ZNF724: variants seen among roughly 807,000 people sequenced by gnomAD.
ZNF724 encodes zinc finger protein 724 pseudogene.
ZNF724 carries 14 observed loss-of-function variants against 29.3 expected under a neutral mutation model. The observed-to-expected ratio is 0.48, with a 90% CI of 0.32 to 0.75. The LOEUF is 0.75. ZNF724 is among the 30% of genes least tolerant of loss of function. ZNF724 has a pLI of 0.04. For synonymous variants in ZNF724, 180 were observed against 193.6 expected (o/e 0.93, Z 0.58); for missense variants, 557 against 571.2 (o/e 0.98, Z 0.25).
At chr19:23,238,986 C>A (rs768348846) in intron 1 of ZNF724, among the ~76,000 whole-genome samples, 5 of 150,962 alleles carry the variant, frequency 3.3e-5, no homozygotes, top group Non-Finnish European at 5.9e-5. Flanking sequence ...TAGGTTCAGG[C>A]ATCTAAGGAG....
chr19:23,226,838 G>C (rs963073548), intron 3 of ZNF724, among the ~76,000 whole-genome samples: 3 of 151,872 alleles, frequency 2.0e-5, no homozygotes, highest in Non-Finnish European at 4.4e-5. Context: ...TCTTAATTAA[G>C]CCCTATGTTG....
Position 23,226,083 on chromosome 19 carries a change from G to A in ZNF724, c.227-2065C>T, listed in dbSNP as rs527944271. 2.2e-4 allele frequency among the ~76,000 whole-genome samples: 28 copies of A among 127,342 alleles called. No homozygotes were observed. The East Asian group carries it at 5.9e-3, about 27-fold the overall frequency. The allele number at this position is 127,342 out of a possible 152,430, so 83.5% of individuals were successfully genotyped here. A position where few individuals can be genotyped will look rare whatever the true frequency, so the allele number is the denominator to read the frequency against. On this transcript the variant is annotated intron_variant, in intron 3 of 3. Transcript: ENST00000418100. ...TTTTTTTTTTTTGAGATGGAGTCTC[G>A]CTCTGTCCCCCAGGCTGGAGTGCAG... is the stretch of plus-strand genomic sequence containing the variant.
At chr19:23,239,255 A>C (rs983601143) in intron 1 of ZNF724, among the ~76,000 whole-genome samples, 7 of 152,240 alleles carry the variant, frequency 4.6e-5, no homozygotes, top group Non-Finnish European at 8.8e-5. Flanking sequence ...TCCAACTGAA[A>C]TCAACATAGT....
chr19:23,227,757 A>G (rs780136883), intron 3 of ZNF724, among the ~76,000 whole-genome samples: 9 of 152,252 alleles, frequency 5.9e-5, no homozygotes, highest in Non-Finnish European at 1.0e-4. Context: ...AAACAAATGT[A>G]TAAGTAACTA....
chr19:23,247,496 C>T (rs949883313), intron 1 of ZNF724, among the ~76,000 whole-genome samples: 11 of 151,316 alleles, frequency 7.3e-5, no homozygotes, highest in African/African-American at 1.5e-4. Context: ...CTGACTCATT[C>T]GTCAAGTCAG....
chr19:23,224,042 T>G, intron 3 of ZNF724, 24 bp from the exon 4 acceptor site: 1 of 621,402 alleles, frequency 1.6e-6, no homozygotes, highest in Admixed American at 2.9e-5. Flanking sequence ...AAATAACAAC[T>G]TACTCCACAT....
intron 1 of ZNF724, among the ~76,000 whole-genome samples, chr19:23,249,420 C>CA (rs1437317937): frequency 6.8e-6 from 1 of 146,748 alleles, no homozygotes; most frequent in Admixed American, 7.0e-5. Flanking sequence ...TTTTTTGAGA[C>CA]AGAGTCAAGC....
Position 23,223,316 on chromosome 19 carries a change from T to C in ZNF724, c.929A>G (p.Tyr310Cys). ...AGCTCTGCCACAATGTTCACATATG[T>C]AGGGCTTCTCTCCAGCATGAATTAT... ...HKIIHAGEKP[Y>C]ICEHCGRAFN... The change falls in exon 4 of 4, where the codon TAC becomes TGC. Residue 310 changes from tyrosine to cysteine, a missense_variant. By Grantham distance (194) the Tyr-to-Cys change is radical. This residue lies in a region of ZNF724 where 362 missense variants were observed against 295.5 expected (regional missense o/e 1.22). Transcript: ENST00000418100. The C allele has an allele frequency of 1.3e-6, 1 of 771,470 alleles. No homozygotes were observed. The highest frequency in any genetic ancestry group is 1.4e-5 in the South Asian group (1 of 73,336). The allele number at this position is 771,470 out of a possible 1,614,324, so 47.8% of individuals were successfully genotyped here.
intron 3 of ZNF724, among the ~76,000 whole-genome samples, chr19:23,227,566 A>AAC (rs1161374001): frequency 9.1e-6 from 1 of 110,264 alleles, no homozygotes; most frequent in African/African-American, 2.7e-5. Context: ...AAAAAAAAAA[A>AAC]AAAACAAAAA....
intron 1 of ZNF724, among the ~76,000 whole-genome samples, chr19:23,233,813 C>T (rs895421886): frequency 6.7e-6 from 1 of 148,760 alleles, no homozygotes; most frequent in East Asian, 2.0e-4. Flanking sequence ...AAAAAAAATG[C>T]CACTTTTTCC....
chr19:23,232,263 C>T lies in ZNF724; in HGVS notation c.34G>A (p.Glu12Lys), dbSNP rs558986878. The T allele has an allele frequency of 7.9e-7, 1 of 1,272,584 alleles. No individual in the cohort carries two copies. The highest frequency in any genetic ancestry group is 1.2e-5 in the South Asian group (1 of 83,948). The allele number at this position is 1,272,584 out of a possible 1,614,324, so 78.8% of individuals were successfully genotyped here. Residue 12 changes from glutamate (E) to lysine (K), a missense_variant, in exon 2 of 4, where the codon GAA becomes AAA. Glu to Lys is a moderately conservative substitution (Grantham distance 56). Coordinates refer to ENST00000418100, the MANE Select transcript of ZNF724 (RefSeq NM_001355404.2). ...CATTGCCACTCCTCCACAGAGAATT[C>T]TATGGCCACATCCATAAATGTCAAT... ...GPLTFMDVAIEFSVEEWQCLD... is the reference protein window; with the variant it reads ...GPLTFMDVAIKFSVEEWQCLD...
In ZNF724 at chr19:23,222,597, T is replaced by A. The variant is rs1327883536; in HGVS notation, c.1648A>T (p.Thr550Ser). Residue 550 changes from threonine to serine, a missense_variant, in exon 4 of 4, where the codon ACT becomes TCT. Thr to Ser is a moderately conservative substitution (Grantham distance 58, BLOSUM62 1). Coordinates refer to ENST00000418100, the MANE Select transcript of ZNF724 (RefSeq NM_001355404.2). ...CCAGTATGAATTATCTTATGTTGAG[T>A]AAGGTTTGAGTATTGGTAAAAAGCT... ...GKAFYQYSNLTQHKIIHTGEK... is the reference protein window; with the variant it reads ...GKAFYQYSNLSQHKIIHTGEK... 5.1e-6 allele frequency: 7 copies of A among 1,378,578 alleles called. No individual in the cohort carries two copies. Among genetic ancestry groups the A allele is most frequent in the East Asian group, 4.6e-5 (2 of 43,746 alleles). The allele number at this position is 1,378,578 out of a possible 1,614,324, so 85.4% of individuals were successfully genotyped here.
At chr19:23,247,751 T>C (rs1260293682) in intron 1 of ZNF724, among the ~76,000 whole-genome samples, 1 of 152,252 alleles carries the variant, frequency 6.6e-6, no homozygotes, top group Non-Finnish European at 1.5e-5. Context: ...AATACCAGCG[T>C]CTGATCGCTG....
chr19:23,231,821 T>C (rs544928853), intron 2 of ZNF724, among the ~76,000 whole-genome samples: 1 of 151,526 alleles, frequency 6.6e-6, no homozygotes, highest in African/African-American at 2.4e-5. Flanking sequence ...GCAACCTCCA[T>C]CTCCCGGGTT....
intron 1 of ZNF724, among the ~76,000 whole-genome samples, chr19:23,238,522 G>A (rs1972061757): frequency 6.6e-6 from 1 of 152,144 alleles, no homozygotes; most frequent in Non-Finnish European, 1.5e-5. Flanking sequence ...CTACATATAA[G>A]CAAAATGCTT....
chr19:23,236,535 T>C (rs930530384), intron 1 of ZNF724: 4 of 153,470 alleles, frequency 2.6e-5, no homozygotes, highest in Non-Finnish European at 4.4e-5. Flanking sequence ...ACCCAAAGCA[T>C]TGGAGAGAAA....
chr19:23,225,870 T>C (rs1329609330), intron 3 of ZNF724, among the ~76,000 whole-genome samples: 3 of 151,954 alleles, frequency 2.0e-5, no homozygotes. Context: ...GTGTTTTGCA[T>C]AACCAGGTGA....
chr19:23,236,949 T>C (rs113511219), intron 1 of ZNF724: 1,927 of 152,126 alleles, frequency 0.013, 33 homozygotes, highest in Middle Eastern at 0.031. Flanking sequence ...ACCTTCCAAG[T>C]TTAAGCGATT....
At chr19:23,224,590 A>G (rs766299159) in intron 3 of ZNF724, among the ~76,000 whole-genome samples, 5 of 152,152 alleles carry the variant, frequency 3.3e-5, no homozygotes, top group Non-Finnish European at 7.4e-5. Flanking sequence ...AGCCACAAAG[A>G]AAAAGAGAAA....
Sources: allele counts gnomAD v4.1 joint callset (sites outside exome capture counted in the v4.1 genomes callset), GRCh38; gene constraint gnomAD v4.1.1; regional missense constraint gnomAD v4.1.1; transcripts MANE v1.5; gene names NCBI Gene and HGNC (gene_info 2026-07-23, HGNC 2026-07-21).